The following FBLN2 variants were observed in gnomAD, a reference collection of about 807,000 sequenced individuals.
FBLN2 encodes the protein fibulin 2.
In FBLN2, 81 loss-of-function variants were observed where a neutral mutation model predicts 123.7. The ratio of observed to expected loss-of-function variants is 0.65; its 90% CI spans 0.55 to 0.79. The LOEUF (loss-of-function observed/expected upper bound fraction) is 0.79, where lower values mean the gene tolerates loss of function less well. FBLN2 is among the 30% of genes least tolerant of loss of function. The probability of loss-of-function intolerance (pLI) is 0.00; values close to 1 mark genes in which losing one functional copy is unlikely to be tolerated. For synonymous variants in FBLN2, 699 were observed against 701.4 expected (o/e 1.00, Z 0.05); for missense variants, 1,603 against 1,681.3 (o/e 0.95, Z 0.81).
intron 1 of FBLN2, 56 bp from the exon 2 acceptor site, chr3:13,570,259 A>G (rs1030351917): frequency 2.1e-6 from 3 of 1,435,036 alleles, no homozygotes; most frequent in Non-Finnish European, 2.7e-6. Flanking sequence ...GCCGGTGTGC[A>G]CCGTGTCTGT....
At chr3:13,599,206 A>G (rs1223865957) in intron 2 of FBLN2, among the ~76,000 whole-genome samples, 4 of 152,182 alleles carry the variant, frequency 2.6e-5, no homozygotes, top group African/African-American at 4.8e-5. Flanking sequence ...AGATGATGTG[A>G]TGAGGGTTGA....
At chr3:13,569,911 A>G (rs561004088) in intron 1 of FBLN2, among the ~76,000 whole-genome samples, 1 of 152,136 alleles carries the variant, frequency 6.6e-6, no homozygotes, top group South Asian at 2.1e-4. Context: ...GTAACTGCAT[A>G]GAGGATTATG....
Position 13,571,515 on chromosome 3 carries a change from A to C in FBLN2, c.1160A>C (p.Asn387Thr), listed in dbSNP as rs3796318. ...PRDPVKPSPH[N>T]ILSTSLPDAA... ...GACCCAGTCAAGCCCAGCCCCCACAACATCCTGTCCACATCACTGCCTGAT... is the reference window on the plus strand; with the variant it reads ...GACCCAGTCAAGCCCAGCCCCCACACCATCCTGTCCACATCACTGCCTGAT... Residue 387 changes from asparagine to threonine, a missense_variant, in exon 2 of 18, where the codon AAC (asparagine) becomes ACC (threonine). Asn to Thr is a moderately conservative substitution (Grantham distance 65). Coordinates refer to ENST00000404922, the MANE Select transcript of FBLN2 (RefSeq NM_001004019.2). The C allele has an allele frequency of 0.026, 41,684 of 1,613,536 alleles. 4,966 individuals are homozygous for C. In the African/African-American group the frequency reaches 0.35, roughly 13 times the overall value.
chr3:13,630,700 C>G lies in FBLN2; in HGVS notation c.2970C>G (p.Asp990Glu). 6.2e-7 allele frequency: 1 copy of G among 1,600,298 alleles called. No individual in the cohort carries two copies. Among genetic ancestry groups the G allele is most frequent in the South Asian group, 1.1e-5 (1 of 88,524 alleles). ...GACTGCCTGCTGGTGTCCCTGCAGACGTGAATGAGTGTGAGGCCCAGCGCT... is the reference window on the plus strand; with the variant it reads ...GACTGCCTGCTGGTGTCCCTGCAGAGGTGAATGAGTGTGAGGCCCAGCGCT... ...LLAADGKRCE[D>E]VNECEAQRCS... Residue 990 changes from aspartate (D) to glutamate (E), a missense_variant and splice_region_variant, in exon 15 of 18, where the codon GAC becomes GAG. Transcript: ENST00000404922.
At chr3:13,634,679 C>T (rs916767402) in intron 16 of FBLN2, among the ~76,000 whole-genome samples, 13 of 152,360 alleles carry the variant, frequency 8.5e-5, no homozygotes, top group African/African-American at 2.2e-4. Flanking sequence ...CTCACTTCTG[C>T]GCCACCCTGG....
chr3:13,571,454 C>T lies in FBLN2; in HGVS notation c.1099C>T (p.Leu367Phe), dbSNP rs779267020. 1 of 1,613,022 alleles carries T rather than the reference C, an allele frequency of 6.2e-7. No homozygotes were observed. Among genetic ancestry groups the T allele is most frequent in the Non-Finnish European group, 8.5e-7 (1 of 1,179,690 alleles). ...THAPSLGKAA[L>F]VPTQAVPGSP... The stretch of plus-strand genomic sequence containing the variant: ...TGCACCGAGCCTGGGCAAGGCTGCT[C>T]TCGTCCCAACTCAGGCCGTGCCTGG... The change falls in exon 2 of 18, where the codon CTC becomes TTC. Residue 367 changes from leucine (L) to phenylalanine (F), a missense_variant. Physicochemically the swap from Leu to Phe is conservative, Grantham distance 22. Transcript: ENST00000404922.
chr3:13,634,374 G>A (rs1706378256), intron 16 of FBLN2, among the ~76,000 whole-genome samples: 1 of 152,282 alleles, frequency 6.6e-6, no homozygotes, highest in Non-Finnish European at 1.5e-5. Context: ...GGGAAGACCT[G>A]CGACTGACCG....
chr3:13,627,257 G>A (rs572147873), intron 10 of FBLN2, among the ~76,000 whole-genome samples: 69 of 152,260 alleles, frequency 4.5e-4, no homozygotes, highest in Non-Finnish European at 8.2e-4. Context: ...GGCCTGTTGG[G>A]TGTGGGGAGG....
At chr3:13,634,032 A>G (rs891501996) in intron 16 of FBLN2, among the ~76,000 whole-genome samples, 2 of 143,534 alleles carry the variant, frequency 1.4e-5, no homozygotes, top group Non-Finnish European at 3.0e-5. Context: ...GTTTCTGTGT[A>G]GTAAGAGCCC....
Position 13,587,157 on chromosome 3 carries a change from A to T in FBLN2, c.1306+15496A>T, listed in dbSNP as rs535657706. 8.1e-4 allele frequency among the ~76,000 whole-genome samples: 121 copies of T among 149,284 alleles called. No individual in the cohort carries two copies. In the East Asian group the frequency reaches 0.011, roughly 14 times the overall value. On this transcript the variant is annotated intron_variant, in intron 2 of 17. Transcript: ENST00000404922. ...GAGACTCCGTCTCAAAAAAAAAAAA[A>T]AAAATAAATAAATAATTAAAAAAAT...
chr3:13,595,938 A>AC (rs1347943108), intron 2 of FBLN2, among the ~76,000 whole-genome samples: 1 of 152,144 alleles, frequency 6.6e-6, no homozygotes, highest in African/African-American at 2.4e-5. Context: ...AGCCACAGTT[A>AC]CCAGTTTCTT....
chr3:13,611,312 C>A (rs1207994075), intron 4 of FBLN2, among the ~76,000 whole-genome samples: 2 of 152,174 alleles, frequency 1.3e-5, no homozygotes, highest in Non-Finnish European at 2.9e-5. Context: ...CATTTGTAAG[C>A]GCACAGCTCA....
In FBLN2 at chr3:13,614,051, C is replaced by G. The variant is rs1306553303; in HGVS notation, c.1616C>G (p.Pro539Arg). ...RAEGQSCESNPNLGYPCNHVM... is the reference protein window; with the variant it reads ...RAEGQSCESNRNLGYPCNHVM... Reference sequence around the variant, plus strand: ...GAGGGCCAGTCGTGTGAGTCCAATCCTAACCTGGGCTATCCCTGCAATCAT... The same window carrying G: ...GAGGGCCAGTCGTGTGAGTCCAATCGTAACCTGGGCTATCCCTGCAATCAT... The change falls in exon 5 of 18, where the codon CCT becomes CGT. Residue 539 changes from proline to arginine, a missense_variant. Pro to Arg is a moderately radical substitution (Grantham distance 103). Transcript: ENST00000404922. The G allele has an allele frequency of 1.2e-6, 2 of 1,613,628 alleles. No individual in the cohort carries two copies. The highest frequency in any genetic ancestry group is 1.7e-6 in the Non-Finnish European group (2 of 1,179,902).
intron 2 of FBLN2, among the ~76,000 whole-genome samples, chr3:13,606,017 T>A (rs1471559659): frequency 6.6e-6 from 1 of 151,648 alleles, no homozygotes; most frequent in African/African-American, 2.4e-5. Flanking sequence ...CCAACCCCCC[T>A]CCCCATCCCT....
At chr3:13,586,499 T>C (rs1704506027) in intron 2 of FBLN2, among the ~76,000 whole-genome samples, 2 of 148,274 alleles carry the variant, frequency 1.3e-5, no homozygotes, top group Admixed American at 1.3e-4. Context: ...TTAGTTGTTT[T>C]TTTTTTTTTT....
At chr3:13,570,280 C>G (rs1703888090) in intron 1 of FBLN2, 35 bp from the exon 2 acceptor site, 1 of 1,450,888 alleles carries the variant, frequency 6.9e-7, no homozygotes, top group African/African-American at 1.4e-5. Context: ...GTGTGCACAC[C>G]CAGTACTGAC....
At chr3:13,575,824 A>G (rs1335838031) in intron 2 of FBLN2, among the ~76,000 whole-genome samples, 6 of 152,144 alleles carry the variant, frequency 3.9e-5, no homozygotes, top group East Asian at 1.9e-4. Context: ...CACAACATGC[A>G]TGTTCCGCTC....
At chr3:13,549,343 C>T (rs1703261293) in intron 1 of FBLN2, 135 bp downstream of exon 1, 1 of 472,864 alleles carries the variant, frequency 2.1e-6, no homozygotes, top group Non-Finnish European at 2.8e-6. Context: ...CCCGCGCCTC[C>T]ACCCGCGCCG....
At chr3:13,621,653 C>G in intron 8 of FBLN2, 122 bp from the exon 9 acceptor site, 1 of 1,017,704 alleles carries the variant, frequency 9.8e-7, no homozygotes, top group Non-Finnish European at 1.4e-6. Flanking sequence ...CACAGTCAGG[C>G]GGGGAGGCCC....
Sources: gnomAD v4.1 joint callset for allele counts (sites outside exome capture counted in the v4.1 genomes callset) on GRCh38, gnomAD v4.1.1 for gene constraint, MANE v1.5 for transcripts, NCBI Gene and HGNC (gene_info 2026-07-23, HGNC 2026-07-21) for gene names.